The following SPOCK3 variants were observed in gnomAD, a reference collection of about 807,000 sequenced individuals.
The protein encoded by SPOCK3 is SPARC (osteonectin), cwcv and kazal like domains proteoglycan 3, also known as testican-3.
Under a neutral mutation model 56.6 loss-of-function variants are expected in SPOCK3, and 30 were observed. The observed-to-expected ratio is 0.53, with a 90% CI of 0.40 to 0.72. SPOCK3 has a LOEUF of 0.72. Ranked by LOEUF, SPOCK3 falls within the 30% of genes least tolerant of loss-of-function variation. The probability of loss-of-function intolerance (pLI) is 0.00; values close to 1 mark genes in which losing one functional copy is unlikely to be tolerated. For synonymous variants in SPOCK3, 196 were observed against 183.3 expected (o/e 1.07, Z -0.56); for missense variants, 527 against 530.0 (o/e 0.99, Z 0.06).
intron 6 of SPOCK3, among the ~76,000 whole-genome samples, chr4:166,865,145 G>A (rs1417244164): frequency 6.6e-6 from 1 of 152,024 alleles, no homozygotes; most frequent in Admixed American, 6.6e-5. Context: ...ATCAATAAAA[G>A]TAATCTATCA....
At chr4:167,181,949 A>T (rs1580538048) in intron 2 of SPOCK3, among the ~76,000 whole-genome samples, 1 of 152,166 alleles carries the variant, frequency 6.6e-6, no homozygotes, top group East Asian at 1.9e-4. Context: ...CCCACCCAGC[A>T]CATGTGATAA....
At chr4:167,157,031 T>C (rs1764874983) in intron 2 of SPOCK3, among the ~76,000 whole-genome samples, 1 of 152,062 alleles carries the variant, frequency 6.6e-6, no homozygotes, top group Non-Finnish European at 1.5e-5. Context: ...GCAAAATCTG[T>C]CAGTGCATTA....
chr4:166,909,043 A>G (rs1736956345), intron 5 of SPOCK3, among the ~76,000 whole-genome samples: 1 of 152,134 alleles, frequency 6.6e-6, no homozygotes, highest in South Asian at 2.1e-4. Context: ...GCTTCTAAAG[A>G]AAGTAAATAA....
chr4:167,149,370 G>T (rs1272162987), intron 2 of SPOCK3, among the ~76,000 whole-genome samples: 1 of 151,844 alleles, frequency 6.6e-6, no homozygotes, highest in Non-Finnish European at 1.5e-5. Context: ...TTGCTATACA[G>T]AAGGGTGCTT....
chr4:166,764,709 A>G (rs573686241), intron 7 of SPOCK3, among the ~76,000 whole-genome samples: 1 of 152,262 alleles, frequency 6.6e-6, no homozygotes, highest in Non-Finnish European at 1.5e-5. Flanking sequence ...ATACCCCTTA[A>G]TGGGATGGCT....
intron 2 of SPOCK3, among the ~76,000 whole-genome samples, chr4:167,139,353 C>CA (rs544474191): frequency 8.6e-5 from 13 of 151,416 alleles, no homozygotes; most frequent in African/African-American, 4.8e-5. Context: ...AAGAAATATA[C>CA]AAAAAAAATG....
chr4:166,835,740 G>T (rs1330496843), intron 6 of SPOCK3, among the ~76,000 whole-genome samples: 1 of 152,134 alleles, frequency 6.6e-6, no homozygotes, highest in Non-Finnish European at 1.5e-5. Flanking sequence ...CGGGCATGGT[G>T]GCTCACGCCA....
chr4:167,089,158 CATATAT>C (rs551388028), intron 2 of SPOCK3, among the ~76,000 whole-genome samples: 4 of 151,516 alleles, frequency 2.6e-5, no homozygotes, highest in African/African-American at 4.8e-5. Flanking sequence ...TGTGTGTGTA[CATATAT>C]ATATAAATAC....
intron 2 of SPOCK3, among the ~76,000 whole-genome samples, chr4:167,182,686 C>T (rs569393382): frequency 2.0e-5 from 3 of 151,942 alleles, no homozygotes; most frequent in East Asian, 2.0e-4. Flanking sequence ...ATGGCCCGCG[C>T]GCCACTATGC....
Position 166,854,060 on chromosome 4 carries a change from T to G in SPOCK3, c.589+35070A>C, listed in dbSNP as rs530947545. The stretch of plus-strand genomic sequence containing the variant: ...TGATTTTTACCTACAAAAAGGCAAC[T>G]TCACATAGCTCAACTCAATATATTT... On this transcript the variant is annotated intron_variant, in intron 6 of 10. Transcript: ENST00000357545. Among the ~76,000 whole-genome samples, 3 of 152,302 alleles carry G rather than the reference T, an allele frequency of 2.0e-5. No individual in the cohort carries two copies. The South Asian group carries it at 6.2e-4, about 32-fold the overall frequency.
intron 6 of SPOCK3, among the ~76,000 whole-genome samples, chr4:166,808,284 C>T: frequency 6.6e-6 from 1 of 152,034 alleles, no homozygotes; most frequent in South Asian, 2.1e-4. Flanking sequence ...TCTCTCCTTG[C>T]TATAGACTAA....
rs1431056120 is a variant in SPOCK3, at chr4:166,784,432, A to C, written c.709+7738T>G. Among the ~76,000 whole-genome samples the C allele has an allele frequency of 2.6e-5, 4 of 152,148 alleles. No individual in the cohort carries two copies. The East Asian group carries it at 7.7e-4, about 29-fold the overall frequency. ...GACAATACCTTAGTAATACTTAAGC[A>C]TATAATTAAATTTTATTATAAGGAG... is the stretch of plus-strand genomic sequence containing the variant. On this transcript the variant is annotated intron_variant, in intron 7 of 10. Transcript: ENST00000357545.
chr4:167,221,425 G>C (rs1398563549), intron 2 of SPOCK3, among the ~76,000 whole-genome samples: 4 of 152,008 alleles, frequency 2.6e-5, no homozygotes, highest in Non-Finnish European at 2.9e-5. Context: ...GCTGTCTGTA[G>C]TAACTGTTTT....
chr4:167,187,992 G>A (rs1732155820), intron 2 of SPOCK3, among the ~76,000 whole-genome samples: 1 of 152,148 alleles, frequency 6.6e-6, no homozygotes, highest in South Asian at 2.1e-4. Flanking sequence ...GTCACCAGAT[G>A]AGTGATAGGA....
At chr4:166,998,978 T>G (rs921388969) in intron 4 of SPOCK3, among the ~76,000 whole-genome samples, 1 of 152,176 alleles carries the variant, frequency 6.6e-6, no homozygotes, top group Non-Finnish European at 1.5e-5. Context: ...AAAATGAGTT[T>G]CTGGCCCAAA....
chr4:166,841,825 C>A (rs1747387826), intron 6 of SPOCK3, among the ~76,000 whole-genome samples: 1 of 152,148 alleles, frequency 6.6e-6, no homozygotes, highest in Admixed American at 6.5e-5. Context: ...AATATTTCTC[C>A]CATTGTGTCT....
chr4:166,864,621 A>G (rs1401135040), intron 6 of SPOCK3, among the ~76,000 whole-genome samples: 2 of 152,192 alleles, frequency 1.3e-5, no homozygotes, highest in African/African-American at 4.8e-5. Context: ...TCCCACAGAA[A>G]TACAAACTAC....
intron 6 of SPOCK3, among the ~76,000 whole-genome samples, chr4:166,845,407 A>T (rs1747957706): frequency 6.6e-6 from 1 of 152,244 alleles, no homozygotes; most frequent in African/African-American, 2.4e-5. Context: ...TGTACAAAAA[A>T]ACTACAAATC....
intron 8 of SPOCK3, among the ~76,000 whole-genome samples, chr4:166,752,192 T>C (rs866018352): frequency 4.6e-5 from 7 of 151,884 alleles, no homozygotes; most frequent in African/African-American, 1.7e-4. Context: ...TCCTGGCTAA[T>C]TTTTGTGTTT....
Sources: allele counts gnomAD v4.1 joint callset (sites outside exome capture counted in the v4.1 genomes callset), GRCh38; gene constraint gnomAD v4.1.1; transcripts MANE v1.5; gene names NCBI Gene and HGNC (gene_info 2026-07-23, HGNC 2026-07-21).